The following STAC variants were observed in gnomAD, a reference collection of about 807,000 sequenced individuals.
The protein encoded by STAC is SH3 and cysteine rich domain.
Under a neutral mutation model 48.8 loss-of-function variants are expected in STAC, and 43 were observed. The observed-to-expected ratio is 0.88, with a 90% CI of 0.69 to 1.14. The LOEUF is 1.14. STAC is among the 50% of genes most tolerant of loss of function. STAC has a pLI of 0.00. For synonymous variants in STAC, 193 were observed against 179.5 expected, an observed-to-expected ratio of 1.07 and a Z score of -0.60; for missense variants, 497 against 504.0, an observed-to-expected ratio of 0.99 and a Z score of 0.13.
intron 6 of STAC, among the ~76,000 whole-genome samples, chr3:36,500,446 G>A (rs1306001786): frequency 6.6e-6 from 1 of 152,120 alleles, no homozygotes; most frequent in African/African-American, 2.4e-5. Flanking sequence ...GGCCCGTCAG[G>A]CGAAGGAGGT....
intron 2 of STAC, among the ~76,000 whole-genome samples, chr3:36,464,944 T>C (rs1697124267): frequency 6.6e-6 from 1 of 152,124 alleles, no homozygotes; most frequent in Non-Finnish European, 1.5e-5. Context: ...TGCACGTGTC[T>C]TTTTCGTATC....
At chr3:36,462,062 G>T (rs2125684494) in intron 2 of STAC, among the ~76,000 whole-genome samples, 2 of 152,204 alleles carry the variant, frequency 1.3e-5, no homozygotes, top group South Asian at 4.1e-4. Flanking sequence ...AGAGATAAAG[G>T]TACAGCAGGA....
At chr3:36,473,350 G>C (rs1433959165) in intron 2 of STAC, among the ~76,000 whole-genome samples, 2 of 152,144 alleles carry the variant, frequency 1.3e-5, no homozygotes, top group Admixed American at 6.5e-5. Context: ...GATCACAGGT[G>C]ACATACCTGA....
intron 2 of STAC, among the ~76,000 whole-genome samples, chr3:36,473,338 C>T (rs1337930429): frequency 6.6e-6 from 1 of 152,106 alleles, no homozygotes; most frequent in Non-Finnish European, 1.5e-5. Flanking sequence ...GAGGTCATGC[C>T]TGATCACAGG....
At chr3:36,527,995 C>T (rs1232858778) in intron 8 of STAC, among the ~76,000 whole-genome samples, 1 of 151,852 alleles carries the variant, frequency 6.6e-6, no homozygotes, top group Non-Finnish European at 1.5e-5. Flanking sequence ...ATGACCAATT[C>T]TAGATGTCAA....
chr3:36,449,230 A>G (rs1465288566), intron 2 of STAC, among the ~76,000 whole-genome samples: 2 of 152,212 alleles, frequency 1.3e-5, no homozygotes, highest in East Asian at 1.9e-4. Flanking sequence ...CACAGCACAC[A>G]TTAGCATTTT....
At chr3:36,510,206 A>T (rs1293008538) in intron 8 of STAC, among the ~76,000 whole-genome samples, 1 of 152,190 alleles carries the variant, frequency 6.6e-6, no homozygotes, top group South Asian at 2.1e-4. Flanking sequence ...TGAAAAAAAG[A>T]TCCTCATCAC....
intron 8 of STAC, among the ~76,000 whole-genome samples, chr3:36,507,351 TTCATCA>T (rs1698429035): frequency 6.6e-6 from 1 of 152,212 alleles, no homozygotes; most frequent in Non-Finnish European, 1.5e-5. Context: ...CACATCGATG[TTCATCA>T]GGGATATTGG....
chr3:36,473,085 G>T (rs1295779097), intron 2 of STAC, among the ~76,000 whole-genome samples: 1 of 152,212 alleles, frequency 6.6e-6, no homozygotes, highest in African/African-American at 2.4e-5. Flanking sequence ...GAGGCAAAAG[G>T]CACTTCTTAC....
intron 1 of STAC, among the ~76,000 whole-genome samples, chr3:36,416,255 G>T (rs890504662): frequency 6.6e-6 from 1 of 152,152 alleles, no homozygotes; most frequent in African/African-American, 2.4e-5. Flanking sequence ...AGGATCACTT[G>T]AGCCCAGGAC....
chr3:36,436,643 T>C (rs1049191887), intron 1 of STAC, among the ~76,000 whole-genome samples: 4 of 152,182 alleles, frequency 2.6e-5, no homozygotes, highest in African/African-American at 9.7e-5. Context: ...GCCTTCCTTG[T>C]CACCTTCTAA....
At chr3:36,392,062 T>G (rs559446204) in intron 1 of STAC, among the ~76,000 whole-genome samples, 197 of 152,288 alleles carry the variant, frequency 1.3e-3, no homozygotes, top group African/African-American at 4.3e-3. Context: ...CTCTGTTTTA[T>G]CAGAACAAGG....
At chr3:36,504,933 C>T (rs1575246512) in intron 7 of STAC, among the ~76,000 whole-genome samples, 1 of 151,808 alleles carries the variant, frequency 6.6e-6, no homozygotes, top group East Asian at 1.9e-4. Flanking sequence ...ATATATGATG[C>T]AACTATATAT....
At chr3:36,431,058 G>C (rs930960783) in intron 1 of STAC, among the ~76,000 whole-genome samples, 1 of 152,172 alleles carries the variant, frequency 6.6e-6, no homozygotes, top group Non-Finnish European at 1.5e-5. Context: ...CTTGATAAAT[G>C]AAACCTAGCA....
chr3:36,419,096 A>T lies in STAC; in HGVS notation c.112-24268A>T, dbSNP rs148321966. Among the ~76,000 whole-genome samples, 455 of 151,646 alleles carry T rather than the reference A, an allele frequency of 3.0e-3. 5 individuals carry two copies. Among genetic ancestry groups the T allele is most frequent in the Non-Finnish European group, 2.0e-3 (133 of 67,902 alleles). On this transcript the variant is annotated intron_variant, in intron 1 of 10. Transcript: ENST00000273183. Reference sequence around the variant, plus strand: ...ATCTTCAATAGTCTAATGTCATGTTATTTGGTGCACAATAACATAATTGTT... The same window carrying T: ...ATCTTCAATAGTCTAATGTCATGTTTTTTGGTGCACAATAACATAATTGTT...
chr3:36,531,263 G>T (rs1453207646), intron 10 of STAC, among the ~76,000 whole-genome samples: 1 of 152,110 alleles, frequency 6.6e-6, no homozygotes, highest in African/African-American at 2.4e-5. Context: ...AGTAAACAGG[G>T]GGAGACTTTA....
intron 10 of STAC, among the ~76,000 whole-genome samples, chr3:36,531,173 G>A (rs904541628): frequency 3.3e-5 from 5 of 152,108 alleles, no homozygotes; most frequent in African/African-American, 4.8e-5. Flanking sequence ...TTGGTACCAC[G>A]TATTTAGAGC....
chr3:36,458,331 T>C (rs7635001), intron 2 of STAC, among the ~76,000 whole-genome samples: 18,686 of 152,118 alleles, frequency 0.12, 1,355 homozygotes, highest in East Asian at 0.31. Flanking sequence ...TTTGTAACTA[T>C]TGAGAGATAT....
At chr3:36,380,794 TCTC>T in intron 1 of STAC, 40 bp downstream of exon 1, 1 of 1,487,854 alleles carries the variant, frequency 6.7e-7, no homozygotes, top group Non-Finnish European at 9.3e-7. Context: ...ACAAACTCAC[TCTC>T]CTCTCCTGTC....
Sources: allele counts gnomAD v4.1 joint callset (sites outside exome capture counted in the v4.1 genomes callset), GRCh38; gene constraint gnomAD v4.1.1; transcripts MANE v1.5; gene names NCBI Gene and HGNC (gene_info 2026-07-23, HGNC 2026-07-21).